The following ASXL2 variants were observed in gnomAD, a reference collection of about 807,000 sequenced individuals.
ASXL2 encodes the protein putative Polycomb group protein ASXL2.
Under a neutral mutation model 122.0 loss-of-function variants are expected in ASXL2, and 23 were observed. That is an observed-to-expected ratio of 0.19 (90% CI 0.14 to 0.27). The LOEUF (loss-of-function observed/expected upper bound fraction) is 0.27, where lower values mean the gene tolerates loss of function less well. Ranked by LOEUF, ASXL2 falls within the 10% of genes least tolerant of loss-of-function variation. The pLI, the probability that ASXL2 is intolerant of heterozygous loss-of-function variation, is 1.00. For synonymous variants in ASXL2, 650 were observed against 637.0 expected (o/e 1.02, Z -0.31); for missense variants, 1,518 against 1,713.8 (o/e 0.89, Z 2.02).
intron 2 of ASXL2, among the ~76,000 whole-genome samples, chr2:25,842,595 T>C (rs1301281386): frequency 2.0e-5 from 3 of 151,988 alleles, no homozygotes; most frequent in Non-Finnish European, 4.4e-5. Context: ...TCAAGTGATC[T>C]GCCTGCCTCG....
intron 5 of ASXL2, among the ~76,000 whole-genome samples, chr2:25,798,842 T>C (rs1159621161): frequency 6.6e-6 from 1 of 152,172 alleles, no homozygotes; most frequent in Non-Finnish European, 1.5e-5. Context: ...TTGAGGGCAA[T>C]GAAACTATTC....
rs892305654 is a variant in ASXL2, at chr2:25,768,842, C to T, written c.531G>A (p.Lys177=). The change falls in exon 7 of 13, where the codon AAG becomes AAA. Residue 177 remains lysine (K), a synonymous_variant. Transcript: ENST00000435504. ...TGCTTGGCCTGCATTGCTGCTGCTG[C>T]TTCTTCTGCTGTTGCTGCTTTAGCG... is the stretch of plus-strand genomic sequence containing the variant. ...KQALKQQQQK[K]QQQQCRPSIS... 2 of 1,613,588 alleles carry T rather than the reference C, an allele frequency of 1.2e-6. No homozygotes were observed. The highest frequency in any genetic ancestry group is 8.5e-7 in the Non-Finnish European group (1 of 1,179,596).
intron 2 of ASXL2, among the ~76,000 whole-genome samples, chr2:25,836,060 C>T (rs1574440551): frequency 1.3e-5 from 2 of 152,092 alleles, no homozygotes; most frequent in African/African-American, 4.8e-5. Flanking sequence ...TCCTTCTTGA[C>T]ATCCCTACCA....
chr2:25,752,914 G>T (rs1339119091), intron 11 of ASXL2, among the ~76,000 whole-genome samples: 1 of 148,424 alleles, frequency 6.7e-6, no homozygotes, highest in Non-Finnish European at 1.5e-5. Flanking sequence ...GTAACCAGAA[G>T]AAAAACCAAT....
chr2:25,844,271 A>G (rs2089623129), intron 2 of ASXL2, among the ~76,000 whole-genome samples: 1 of 152,184 alleles, frequency 6.6e-6, no homozygotes, highest in African/African-American at 2.4e-5. Context: ...TTGATGATAG[A>G]GAGTCTTGAT....
chr2:25,780,177 T>C (rs2088609930), intron 5 of ASXL2: 1 of 152,112 alleles, frequency 6.6e-6, no homozygotes. Flanking sequence ...CTTATTTCTT[T>C]AAACAAAAGA....
chr2:25,818,387 T>C (rs1222778380), intron 3 of ASXL2, among the ~76,000 whole-genome samples: 1 of 152,190 alleles, frequency 6.6e-6, no homozygotes, highest in Non-Finnish European at 1.5e-5. Flanking sequence ...GGCGGGCACC[T>C]GTAATCCCAG....
chr2:25,756,514 TA>T (rs541559739), intron 9 of ASXL2, among the ~76,000 whole-genome samples: 64 of 151,042 alleles, frequency 4.2e-4, no homozygotes, highest in African/African-American at 1.5e-3. Flanking sequence ...AATCTAAATG[TA>T]AATTTTAAGT....
At chr2:25,823,679 C>A (rs1044298195) in intron 3 of ASXL2, among the ~76,000 whole-genome samples, 6 of 151,156 alleles carry the variant, frequency 4.0e-5, no homozygotes, top group African/African-American at 1.5e-4. Context: ...TCTGCACTGT[C>A]AGTATGGCAA....
rs1397323219 is a variant in ASXL2 at position 25,805,995 on chromosome 2, G to A, written c.252+234C>T. Among the ~76,000 whole-genome samples, 6 of 152,070 alleles carry A rather than the reference G, an allele frequency of 3.9e-5. No individual in the cohort carries two copies. In the East Asian group the frequency reaches 5.8e-4, roughly 15 times the overall value. ...CCTGGCCATAAGTCATTTTAATTTC[G>A]TTCTTTCTAGATAAGATTATCATCA... On this transcript the variant is annotated intron_variant, in intron 4 of 12. Transcript: ENST00000435504.
intron 5 of ASXL2, 69 bp from the exon 6 acceptor site, chr2:25,771,609 T>A (rs2088457421): frequency 8.0e-7 from 1 of 1,252,978 alleles, no homozygotes; most frequent in Non-Finnish European, 1.1e-6. Context: ...CCTTCCCCAA[T>A]CATATGCTGC....
intron 12 of ASXL2, among the ~76,000 whole-genome samples, chr2:25,748,580 C>A (rs994144333): frequency 6.6e-6 from 1 of 151,614 alleles, no homozygotes; most frequent in Non-Finnish European, 1.5e-5. Flanking sequence ...CCTGACAGAA[C>A]TAATTTTGGT....
chr2:25,787,142 C>T (rs562897325), intron 5 of ASXL2, among the ~76,000 whole-genome samples: 7 of 152,164 alleles, frequency 4.6e-5, no homozygotes, highest in East Asian at 1.9e-4. Flanking sequence ...CCACAGGCCC[C>T]GAGTGCTGTT....
chr2:25,803,302 T>C (rs746803828), intron 4 of ASXL2, among the ~76,000 whole-genome samples: 5 of 152,228 alleles, frequency 3.3e-5, no homozygotes, highest in Non-Finnish European at 5.9e-5. Context: ...TTTTGTAATA[T>C]CCTTTATAAT....
chr2:25,806,096 A>C (rs2089077038), intron 4 of ASXL2, 133 bp downstream of exon 4: 1 of 577,594 alleles, frequency 1.7e-6, no homozygotes, highest in Non-Finnish European at 3.1e-6. Flanking sequence ...TGTATTGGGT[A>C]GAGGTTTCAA....
chr2:25,866,653 T>C (rs186025712), intron 1 of ASXL2, among the ~76,000 whole-genome samples: 33 of 152,352 alleles, frequency 2.2e-4, no homozygotes, highest in Admixed American at 4.6e-4. Context: ...GACTTTTATA[T>C]TCCAAACCAA....
At chr2:25,863,845 A>G (rs1450751043) in intron 1 of ASXL2, among the ~76,000 whole-genome samples, 4 of 151,652 alleles carry the variant, frequency 2.6e-5, no homozygotes, top group Non-Finnish European at 5.9e-5. Flanking sequence ...ATCTCTACTA[A>G]AAGTACAAAA....
chr2:25,833,603 G>A (rs1186444876), intron 3 of ASXL2, among the ~76,000 whole-genome samples: 1 of 152,120 alleles, frequency 6.6e-6, no homozygotes, highest in Non-Finnish European at 1.5e-5. Context: ...GGCTGAGGCA[G>A]GAAAATTGTT....
At chr2:25,843,427 T>C (rs901865904) in intron 2 of ASXL2, among the ~76,000 whole-genome samples, 1 of 152,030 alleles carries the variant, frequency 6.6e-6, no homozygotes, top group South Asian at 2.1e-4. Flanking sequence ...GCGTGAGCCA[T>C]TGCACCTGGC....
Sources: allele counts gnomAD v4.1 joint callset (sites outside exome capture counted in the v4.1 genomes callset), GRCh38; gene constraint gnomAD v4.1.1; transcripts MANE v1.5; gene names NCBI Gene and HGNC (gene_info 2026-07-23, HGNC 2026-07-21).